Variants in SMAD3 observed in about 807,000 individuals in gnomAD.
SMAD3 encodes the protein MAD homolog 3.
In SMAD3, 12 loss-of-function variants were observed where a neutral mutation model predicts 51.8. That is an observed-to-expected ratio of 0.23 (90% confidence interval 0.15 to 0.38). SMAD3 has a LOEUF of 0.38. SMAD3 is among the 10% of genes least tolerant of loss of function. The pLI is 1.00. For synonymous variants in SMAD3, 238 were observed against 227.7 expected, an observed-to-expected ratio of 1.05 and a Z score of -0.41; for missense variants, 294 against 565.6, an observed-to-expected ratio of 0.52 and a Z score of 4.87.
chr15:67,133,881 G>A (rs2140255666), intron 1 of SMAD3, among the ~76,000 whole-genome samples: 1 of 152,198 alleles, frequency 6.6e-6, no homozygotes. Flanking sequence ...AAGTCACATA[G>A]CCAGGAAGGT....
In SMAD3 at chr15:67,192,730, C is replaced by A. The variant is rs1426924445; in HGVS notation, c.*2194C>A. 1 of 233,016 alleles carries A rather than the reference C, an allele frequency of 4.3e-6. No homozygotes were observed. Among genetic ancestry groups the A allele is most frequent in the Non-Finnish European group, 8.5e-6 (1 of 117,928 alleles). 14.4% of individuals were successfully genotyped at this position (233,016 alleles called of 1,614,324 possible). Reference sequence around the variant, plus strand: ...AGCCTGATTCTGGTGATCCAGTGATCTATGGAAGTCGTGTCTTACTCCAGG... The same window carrying A: ...AGCCTGATTCTGGTGATCCAGTGATATATGGAAGTCGTGTCTTACTCCAGG... On this transcript the variant is annotated 3_prime_UTR_variant, in exon 9 of 9. Transcript: ENST00000327367.
At chr15:67,129,720 A>C (rs563847051) in intron 1 of SMAD3, among the ~76,000 whole-genome samples, 1 of 152,252 alleles carries the variant, frequency 6.6e-6, no homozygotes, top group South Asian at 2.1e-4. Context: ...TTTAAATACT[A>C]TATCTTGTTT....
chr15:67,169,527 A>G (rs1225242911), intron 4 of SMAD3, among the ~76,000 whole-genome samples: 1 of 152,048 alleles, frequency 6.6e-6, no homozygotes, highest in Non-Finnish European at 1.5e-5. Flanking sequence ...ACTGCTGCCC[A>G]GGCTGGTGTG....
At chr15:67,168,022 C>T (rs1962638477) in intron 4 of SMAD3, among the ~76,000 whole-genome samples, 1 of 152,236 alleles carries the variant, frequency 6.6e-6, no homozygotes, top group African/African-American at 2.4e-5. Context: ...AGCGCGATCT[C>T]AGCTTACTGC....
rs1963363420 is a variant in SMAD3 at position 67,191,465 on chromosome 15, A to C, written c.*929A>C. ...GCTCCAGATTCTGATGCATACGGCT[A>C]TATTGGTTTATGTAGTCAGTTGCAT... is the stretch of plus-strand genomic sequence containing the variant. On this transcript the variant is annotated 3_prime_UTR_variant, in exon 9 of 9. Coordinates refer to ENST00000327367, the MANE Select transcript of SMAD3 (RefSeq NM_005902.4). 1 of 233,288 alleles carries C rather than the reference A, an allele frequency of 4.3e-6. No individual in the cohort carries two copies. The highest frequency in any genetic ancestry group is 8.5e-6 in the Non-Finnish European group (1 of 118,040). The allele number at this position is 233,288 out of a possible 1,614,324, so 14.5% of individuals were successfully genotyped here. A position where few individuals can be genotyped will look rare whatever the true frequency, so the allele number is the denominator to read the frequency against.
At chr15:67,117,334 G>A (rs903226895) in intron 1 of SMAD3, among the ~76,000 whole-genome samples, 3 of 152,184 alleles carry the variant, frequency 2.0e-5, no homozygotes, top group Non-Finnish European at 2.9e-5. Context: ...GAATGAGCAG[G>A]CATGGTTTTG....
At chr15:67,174,627 G>A (rs1034525804) in intron 5 of SMAD3, 1 of 152,326 alleles carries the variant, frequency 6.6e-6, no homozygotes, top group African/African-American at 2.4e-5. Flanking sequence ...AGTACCAGGT[G>A]GGGAGGTGGA....
chr15:67,161,799 C>T (rs1962438843), intron 1 of SMAD3, among the ~76,000 whole-genome samples: 1 of 152,112 alleles, frequency 6.6e-6, no homozygotes, highest in Admixed American at 6.5e-5. Flanking sequence ...GGTCGGGGGG[C>T]AGAATACCCC....
chr15:67,145,604 C>G (rs1422188860), intron 1 of SMAD3, among the ~76,000 whole-genome samples: 1 of 152,100 alleles, frequency 6.6e-6, no homozygotes, highest in Non-Finnish European at 1.5e-5. Flanking sequence ...TTTTCTGGTT[C>G]GTGAATGAAA....
At chr15:67,088,411 C>A (rs187342815) in intron 1 of SMAD3, among the ~76,000 whole-genome samples, 1 of 152,206 alleles carries the variant, frequency 6.6e-6, no homozygotes, top group Non-Finnish European at 1.5e-5. Context: ...GTGAGAGCAT[C>A]TGCCAGTGTG....
In SMAD3 at chr15:67,194,603, T is replaced by A. The variant is rs988336120; in HGVS notation, c.*4067T>A. The A allele has an allele frequency of 1.3e-5, 3 of 231,816 alleles. No individual in the cohort carries two copies. The highest frequency in any genetic ancestry group is 5.6e-5 in the Admixed American group (1 of 17,722). The allele number at this position is 231,816 out of a possible 1,614,324, so 14.4% of individuals were successfully genotyped here. On this transcript the variant is annotated 3_prime_UTR_variant, in exon 9 of 9. Transcript: ENST00000327367. ...AGACAGATAACTATTTAATTTTTTT[T>A]AAGAAAGTTGGAAAGGTCTCTCCTC... is the stretch of plus-strand genomic sequence containing the variant.
At chr15:67,152,623 A>G (rs1362825322) in intron 1 of SMAD3, among the ~76,000 whole-genome samples, 5 of 152,180 alleles carry the variant, frequency 3.3e-5, no homozygotes, top group African/African-American at 9.7e-5. Flanking sequence ...TGATCTCTTA[A>G]AAAAACATAA....
At chr15:67,100,125 G>A (rs1960716064) in intron 1 of SMAD3, among the ~76,000 whole-genome samples, 2 of 146,786 alleles carry the variant, frequency 1.4e-5, no homozygotes, top group African/African-American at 2.5e-5. Flanking sequence ...AGGTTGCAGT[G>A]AGCCGAGATC....
chr15:67,066,856 TGTG>T (rs1359473753), intron 1 of SMAD3, among the ~76,000 whole-genome samples: 1 of 152,234 alleles, frequency 6.6e-6, no homozygotes, highest in Non-Finnish European at 1.5e-5. Flanking sequence ...CAGCTGGGGC[TGTG>T]GGTGAGGAGC....
chr15:67,150,843 C>T (rs1595931467), intron 1 of SMAD3, among the ~76,000 whole-genome samples: 4 of 29,542 alleles, frequency 1.4e-4, no homozygotes, highest in Non-Finnish European at 2.9e-4. Context: ...AGCTATTTCT[C>T]AGTCTTTTTT....
At chr15:67,161,222 G>T (rs1048232632) in intron 1 of SMAD3, among the ~76,000 whole-genome samples, 1 of 152,196 alleles carries the variant, frequency 6.6e-6, no homozygotes, top group Non-Finnish European at 1.5e-5. Flanking sequence ...CTTTGTTGAA[G>T]CCAGTCGTCC....
chr15:67,152,583 G>A (rs1288454448), intron 1 of SMAD3, among the ~76,000 whole-genome samples: 1 of 152,134 alleles, frequency 6.6e-6, no homozygotes, highest in Non-Finnish European at 1.5e-5. Context: ...CGTTGCCAAG[G>A]GCTGTGAGTA....
rs527578464 is a variant in SMAD3 at position 67,138,190 on chromosome 15, A to T, written c.207-26705A>T. 40 of 1,003,280 alleles carry T rather than the reference A, an allele frequency of 4.0e-5. No homozygotes were observed. In the African/African-American group the frequency reaches 5.6e-4, roughly 14 times the overall value. The allele number at this position is 1,003,280 out of a possible 1,614,324, so 62.1% of individuals were successfully genotyped here. On this transcript the variant is annotated intron_variant, in intron 1 of 8. Transcript: ENST00000327367. Reference sequence around the variant, plus strand: ...GGGTTGCTGGCCAGAGATCTGTCAGAGTTTCTCCGGGCTTCTCTTTCTCTG... The same window carrying T: ...GGGTTGCTGGCCAGAGATCTGTCAGTGTTTCTCCGGGCTTCTCTTTCTCTG...
intron 1 of SMAD3, among the ~76,000 whole-genome samples, chr15:67,101,113 A>G (rs1298241169): frequency 6.6e-6 from 1 of 152,076 alleles, no homozygotes; most frequent in Non-Finnish European, 1.5e-5. Flanking sequence ...GTCCTTGTGG[A>G]TGTGTCTAGA....
Sources: gnomAD v4.1 joint callset for allele counts (sites outside exome capture counted in the v4.1 genomes callset) on GRCh38, gnomAD v4.1.1 for gene constraint, MANE v1.5 for transcripts, NCBI Gene and HGNC (gene_info 2026-07-23, HGNC 2026-07-21) for gene names.